The following DMD variants were observed in gnomAD, a reference collection of about 807,000 sequenced individuals.
DMD encodes the protein dystrophin.
In DMD, 63 loss-of-function variants were observed where a neutral mutation model predicts 330.1. The observed-to-expected ratio is 0.19, with a 90% CI of 0.16 to 0.24. The LOEUF is 0.24. Ranked by LOEUF, DMD falls within the 10% of genes least tolerant of loss-of-function variation. DMD has a pLI of 1.00. For synonymous variants in DMD, 1,223 were observed against 959.8 expected, an observed-to-expected ratio of 1.27 and a Z score of -5.07; for missense variants, 3,344 against 2,684.1, an observed-to-expected ratio of 1.25 and a Z score of -5.43.
intron 63 of DMD, among the ~76,000 whole-genome samples, chrX:31,248,426 A>C (rs1304312207): frequency 8.9e-6 from 1 of 112,004 alleles, no homozygotes; most frequent in African/African-American, 3.2e-5. Flanking sequence ...TCTGCAGATA[A>C]TTTGTTTTAA....
chrX:32,707,311 T>A (rs561802864), intron 7 of DMD, among the ~76,000 whole-genome samples: 1 of 111,933 alleles, frequency 8.9e-6, no homozygotes, highest in South Asian at 3.8e-4. Flanking sequence ...CACTTGCCAC[T>A]GTATCCCTGC....
chrX:31,976,181 G>A (rs2095434637), intron 44 of DMD, among the ~76,000 whole-genome samples: 1 of 110,760 alleles, frequency 9.0e-6, no homozygotes, highest in Non-Finnish European at 1.9e-5. Context: ...TGGCAGAAAT[G>A]GAGAGAAGTG....
intron 50 of DMD, among the ~76,000 whole-genome samples, chrX:31,775,106 T>A (rs1356578639): frequency 9.0e-6 from 1 of 111,469 alleles, no homozygotes; most frequent in Non-Finnish European, 1.9e-5. Context: ...GGGAAGCATT[T>A]TTCATGTATT....
chrX:32,427,388 A>T (rs192836215), intron 29 of DMD, among the ~76,000 whole-genome samples: 1 of 111,265 alleles, frequency 9.0e-6, no homozygotes, highest in East Asian at 2.8e-4. Flanking sequence ...TCTGTGCCAG[A>T]GATAATATTT....
intron 1 of DMD, chrX:33,129,019 T>C (rs2095481704): frequency 8.9e-6 from 1 of 112,388 alleles, no homozygotes; most frequent in South Asian, 3.6e-4. Flanking sequence ...GAATAATCCG[T>C]ATAACTTACT....
At chrX:33,167,129 C>T (rs1055957139) in intron 1 of DMD, among the ~76,000 whole-genome samples, 2 of 111,350 alleles carry the variant, frequency 1.8e-5, no homozygotes, top group Non-Finnish European at 1.9e-5. Flanking sequence ...CCTGAGAATT[C>T]TTTCTGTAGT....
intron 54 of DMD, among the ~76,000 whole-genome samples, chrX:31,643,250 T>C (rs1438337812): frequency 8.9e-6 from 1 of 112,172 alleles, no homozygotes; most frequent in Non-Finnish European, 1.9e-5. Flanking sequence ...TGTCCGATTA[T>C]ATTAGCAGGT....
intron 51 of DMD, among the ~76,000 whole-genome samples, chrX:31,741,053 C>T (rs2087295241): frequency 8.9e-6 from 1 of 111,907 alleles, no homozygotes; most frequent in African/African-American, 3.2e-5. Context: ...AATCTTTGCT[C>T]ATCCATAAGC....
intron 1 of DMD, among the ~76,000 whole-genome samples, chrX:33,271,610 T>C (rs1189176178): frequency 9.2e-6 from 1 of 108,282 alleles, no homozygotes; most frequent in Non-Finnish European, 1.9e-5. Flanking sequence ...CTACTAAAAA[T>C]ATAAAAATTA....
At chrX:32,452,970 G>C (rs1403478574) in intron 26 of DMD, among the ~76,000 whole-genome samples, 1 of 110,663 alleles carries the variant, frequency 9.0e-6, no homozygotes, top group East Asian at 2.8e-4. Context: ...TTTCCATAAA[G>C]ATTTTTTTAA....
Position 31,891,649 on chromosome X carries a change from G to A in DMD, c.6913-16276C>T, listed in dbSNP as rs752789344. ...CACAGCCATGCCCATTCGTTTATGT[G>A]TAGTTACGTATTAGGGCTGCTTTTG... On this transcript the variant is annotated intron_variant, in intron 47 of 78. Coordinates refer to ENST00000357033, the MANE Select transcript of DMD (RefSeq NM_004006.3). Among the ~76,000 whole-genome samples the A allele has an allele frequency of 4.5e-5, 5 of 112,233 alleles. No individual in the cohort carries two copies. The East Asian group carries it at 1.4e-3, about 32-fold the overall frequency.
chrX:32,864,997 G>GGTGTAGT (rs1226937997), intron 2 of DMD, among the ~76,000 whole-genome samples: 1 of 111,476 alleles, frequency 9.0e-6, no homozygotes, highest in Non-Finnish European at 1.9e-5. Context: ...TGTGAGATTC[G>GGTGTAGT]GTGTAGTTGT....
At chrX:32,081,400 A>G (rs1483066747) in intron 44 of DMD, among the ~76,000 whole-genome samples, 3 of 111,847 alleles carry the variant, frequency 2.7e-5, no homozygotes, top group African/African-American at 9.8e-5. Context: ...TGACTGTCTC[A>G]TTAACTGCTG....
intron 1 of DMD, among the ~76,000 whole-genome samples, chrX:33,047,386 T>A (rs1424727335): frequency 8.9e-6 from 1 of 111,790 alleles, no homozygotes; most frequent in Admixed American, 9.5e-5. Flanking sequence ...CTTTAAACAC[T>A]GGTGCCTCCC....
intron 41 of DMD, among the ~76,000 whole-genome samples, chrX:32,338,214 C>A (rs752130106): frequency 9.0e-6 from 1 of 111,352 alleles, no homozygotes; most frequent in Non-Finnish European, 1.9e-5. Context: ...CTTAATGATA[C>A]CTTTTTGATT....
At chrX:32,822,734 T>C (rs774004123) in intron 5 of DMD, among the ~76,000 whole-genome samples, 7 of 110,653 alleles carry the variant, frequency 6.3e-5, no homozygotes, top group Non-Finnish European at 1.1e-4. Context: ...TGTGTGTCTG[T>C]ATCTTTTCCA....
chrX:32,532,912 T>A (rs1002058913), intron 17 of DMD, among the ~76,000 whole-genome samples: 2 of 112,215 alleles, frequency 1.8e-5, no homozygotes, highest in Non-Finnish European at 3.8e-5. Context: ...CAAAGTATGT[T>A]CTATGGGACA....
intron 7 of DMD, among the ~76,000 whole-genome samples, chrX:32,729,798 C>G (rs773955248): frequency 1.8e-5 from 2 of 111,762 alleles, no homozygotes; most frequent in Non-Finnish European, 3.8e-5. Flanking sequence ...ACTTTCCTAT[C>G]AAAGTAAAAA....
chrX:32,847,064 T>C (rs186897190), intron 3 of DMD, among the ~76,000 whole-genome samples: 18 of 111,647 alleles, frequency 1.6e-4, no homozygotes, highest in Non-Finnish European at 2.8e-4. Flanking sequence ...TGTGTATATA[T>C]AGATTGACAG....
Sources: allele counts gnomAD v4.1 joint callset (sites outside exome capture counted in the v4.1 genomes callset), GRCh38; gene constraint gnomAD v4.1.1; transcripts MANE v1.5; gene names NCBI Gene and HGNC (gene_info 2026-07-23, HGNC 2026-07-21).